NAALADL2: variants seen among roughly 807,000 people sequenced by gnomAD.
NAALADL2 encodes inactive N-acetylated-alpha-linked acidic dipeptidase-like protein 2.
Under a neutral mutation model 87.2 loss-of-function variants are expected in NAALADL2, and 76 were observed. That is an observed-to-expected ratio of 0.87 (90% CI 0.72 to 1.05). NAALADL2 has a LOEUF of 1.05. Ranked by LOEUF, NAALADL2 falls within the 50% of genes least tolerant of loss-of-function variation. The pLI is 0.00. For synonymous variants in NAALADL2, 354 were observed against 331.0 expected (o/e 1.07, Z -0.75); for missense variants, 1,089 against 945.8 (o/e 1.15, Z -1.99).
chr3:175,796,924 C>A (rs892596473), intron 13 of NAALADL2, among the ~76,000 whole-genome samples: 3 of 150,230 alleles, frequency 2.0e-5, no homozygotes, highest in Non-Finnish European at 4.4e-5. Flanking sequence ...ATTTTAGTTG[C>A]CTTTGTTTAA....
In NAALADL2 at chr3:174,790,648, CAA is replaced by C. The variant is rs11317129; in HGVS notation, c.-9+52914_-9+52915del. Among the ~76,000 whole-genome samples the C allele has an allele frequency of 1.0e-3, 146 of 146,498 alleles. 1 individual carries two copies. The highest frequency in any genetic ancestry group is 1.2e-3 in the Admixed American group (17 of 14,626). ...AGGTGACAAAAGCAAAACTCCATCT[CAA>C]AAAAAAAAAAATGTGCGTAAGTAAG... On this transcript the variant is annotated intron_variant, in intron 3 of 3. Transcript: ENST00000434257.
At chr3:175,625,444 A>G (rs1726847891) in intron 10 of NAALADL2, among the ~76,000 whole-genome samples, 1 of 151,974 alleles carries the variant, frequency 6.6e-6, no homozygotes, top group South Asian at 2.1e-4. Context: ...CAATGCGAGA[A>G]GTGCACATGG....
rs1442887086 is a variant in NAALADL2 at position 175,781,725 on chromosome 3, T to TAAAAAAA, written c.2190-21280_2190-21279insAAAAAAA. Among the ~76,000 whole-genome samples the TAAAAAAA allele has an allele frequency of 3.5e-4, 54 of 152,120 alleles. No homozygotes were observed. In the Middle Eastern group the frequency reaches 0.014, roughly 39 times the overall value. On this transcript the variant is annotated intron_variant, in intron 13 of 13. Coordinates refer to ENST00000454872, the MANE Select transcript of NAALADL2 (RefSeq NM_207015.3). ...CGCTTTTATTTTTTTTATTTTTTTATTATACTTTAAGTTTTAGGGTACATG... is the reference window on the plus strand; with the variant it reads ...CGCTTTTATTTTTTTTATTTTTTTATAAAAAAATATACTTTAAGTTTTAGGGTACATG...
intron 3 of NAALADL2, among the ~76,000 whole-genome samples, chr3:174,842,213 G>C (rs1051107653): frequency 2.0e-5 from 3 of 151,954 alleles, no homozygotes; most frequent in African/African-American, 7.3e-5. Flanking sequence ...CACCACGCCT[G>C]GCTAATTTTG....
At chr3:175,578,801 G>T (rs6791525) in intron 10 of NAALADL2, among the ~76,000 whole-genome samples, 42,391 of 152,158 alleles carry the variant, frequency 0.28, 8,311 homozygotes, top group African/African-American at 0.56. Flanking sequence ...AAAATTGAAT[G>T]TCTGGAAATA....
intron 12 of NAALADL2, among the ~76,000 whole-genome samples, chr3:175,750,176 C>A (rs528130079): frequency 1.3e-5 from 2 of 152,250 alleles, no homozygotes; most frequent in East Asian, 3.9e-4. Context: ...GAATCTAGGT[C>A]TATCAGATTC....
At chr3:175,508,317 T>C (rs1259821066) in intron 9 of NAALADL2, among the ~76,000 whole-genome samples, 1 of 152,082 alleles carries the variant, frequency 6.6e-6, no homozygotes, top group Non-Finnish European at 1.5e-5. Flanking sequence ...ACTTGGGTGA[T>C]CTCATTAAAT....
intron 1 of NAALADL2, among the ~76,000 whole-genome samples, chr3:175,085,539 CTT>C (rs2108273551): frequency 6.6e-6 from 1 of 152,250 alleles, no homozygotes; most frequent in Admixed American, 6.5e-5. Flanking sequence ...ACCTGAGTAA[CTT>C]TATTTTTAAA....
At chr3:175,063,497 G>T (rs74867351) in intron 1 of NAALADL2, among the ~76,000 whole-genome samples, 3,493 of 151,618 alleles carry the variant, frequency 0.023, 139 homozygotes, top group African/African-American at 0.081. Context: ...CTGCTTTTGA[G>T]ACAGGGTCTT....
intron 1 of NAALADL2, among the ~76,000 whole-genome samples, chr3:174,494,505 A>G (rs2108356114): frequency 6.6e-6 from 1 of 151,942 alleles, no homozygotes; most frequent in Admixed American, 6.6e-5. Flanking sequence ...GGATAGCATT[A>G]GGAGATATAA....
At chr3:174,504,701 T>C (rs1156434527) in intron 1 of NAALADL2, among the ~76,000 whole-genome samples, 1 of 152,072 alleles carries the variant, frequency 6.6e-6, no homozygotes, top group Non-Finnish European at 1.5e-5. Context: ...TGAAAGAATA[T>C]AGGTATAGAT....
At position 175,796,893 on chromosome 3, in the gene NAALADL2, A is replaced by G. The variant is rs116653316; in HGVS notation, c.2190-6112A>G. ...CCATCATTAATTTTCTAATTCAAACACATGGAAATGACTTATGAAGATTTT... is the reference window on the plus strand; with the variant it reads ...CCATCATTAATTTTCTAATTCAAACGCATGGAAATGACTTATGAAGATTTT... On this transcript the variant is annotated intron_variant, in intron 13 of 13. Coordinates refer to ENST00000454872, the MANE Select transcript of NAALADL2 (RefSeq NM_207015.3). 5.6e-3 allele frequency among the ~76,000 whole-genome samples: 860 copies of G among 152,242 alleles called. 5 individuals carry two copies. Among genetic ancestry groups the G allele is most frequent in the Non-Finnish European group, 9.5e-3 (649 of 67,996 alleles).
chr3:175,312,277 G>A (rs532872683), intron 4 of NAALADL2, among the ~76,000 whole-genome samples: 2 of 152,186 alleles, frequency 1.3e-5, no homozygotes, highest in Admixed American at 1.3e-4. Flanking sequence ...ACATATGCTA[G>A]ACCTATTTAA....
chr3:174,670,221 C>A (rs1726397479), intron 2 of NAALADL2, among the ~76,000 whole-genome samples: 2 of 86,068 alleles, frequency 2.3e-5, no homozygotes, highest in African/African-American at 6.7e-5. Context: ...ATTTAGGTAC[C>A]TTTTATTTCT....
At chr3:175,116,044 C>CA (rs933270637) in intron 2 of NAALADL2, among the ~76,000 whole-genome samples, 2 of 151,446 alleles carry the variant, frequency 1.3e-5, no homozygotes, top group Non-Finnish European at 3.0e-5. Flanking sequence ...AGCCTTCATG[C>CA]AAAAAACTCA....
intron 5 of NAALADL2, among the ~76,000 whole-genome samples, chr3:175,347,243 AG>A (rs1763252678): frequency 6.6e-6 from 1 of 152,180 alleles, no homozygotes; most frequent in Non-Finnish European, 1.5e-5. Context: ...TCAGCCAAAT[AG>A]GCCTTGAATT....
At chr3:175,718,223 T>TTTTTTTTTTGGG in intron 11 of NAALADL2, 1 of 1,009,326 alleles carries the variant, frequency 9.9e-7, no homozygotes, top group Non-Finnish European at 1.4e-6. Flanking sequence ...TTTTTTTTTT[T>TTTTTTTTTTGGG]GATTAGTTGC....
intron 3 of NAALADL2, among the ~76,000 whole-genome samples, chr3:174,778,263 T>A (rs1715461440): frequency 6.6e-6 from 1 of 152,100 alleles, no homozygotes; most frequent in East Asian, 1.9e-4. Flanking sequence ...TTGGTCAAGA[T>A]AAAACTTCTC....
At chr3:175,088,080 T>A (rs1268744852) in intron 1 of NAALADL2, among the ~76,000 whole-genome samples, 1 of 152,160 alleles carries the variant, frequency 6.6e-6, no homozygotes, top group Non-Finnish European at 1.5e-5. Flanking sequence ...GATATAAAAT[T>A]AATATATATG....
Sources: allele counts gnomAD v4.1 joint callset (sites outside exome capture counted in the v4.1 genomes callset), GRCh38; gene constraint gnomAD v4.1.1; transcripts MANE v1.5; gene names NCBI Gene and HGNC (gene_info 2026-07-23, HGNC 2026-07-21).